The following EML4 variants were observed in gnomAD, a reference collection of about 807,000 sequenced individuals.
EML4 encodes EMAP like 4.
EML4 carries 72 observed loss-of-function variants against 129.0 expected under a neutral mutation model. That is an observed-to-expected ratio of 0.56 (90% confidence interval 0.46 to 0.68). The LOEUF is 0.68. Ranked by LOEUF, EML4 falls within the 30% of genes least tolerant of loss-of-function variation. The pLI is 0.00. For synonymous variants in EML4, 532 were observed against 405.0 expected (o/e 1.31, Z -3.77); for missense variants, 1,363 against 1,190.6 (o/e 1.14, Z -2.13).
At chr2:42,236,922 G>C (rs1039001632) in intron 1 of EML4, among the ~76,000 whole-genome samples, 5 of 152,154 alleles carry the variant, frequency 3.3e-5, no homozygotes, top group Non-Finnish European at 1.5e-5. Context: ...AGGTGCTTGA[G>C]TCTCATTTTA....
At chr2:42,284,002 T>C (rs942067241) in intron 8 of EML4, among the ~76,000 whole-genome samples, 2 of 152,204 alleles carry the variant, frequency 1.3e-5, no homozygotes, top group Admixed American at 6.5e-5. Flanking sequence ...TTTTCAGAAA[T>C]TTGCTAGTCA....
At chr2:42,278,891 G>A (rs1013628251) in intron 6 of EML4, among the ~76,000 whole-genome samples, 4 of 151,854 alleles carry the variant, frequency 2.6e-5, no homozygotes, top group Non-Finnish European at 5.9e-5. Flanking sequence ...AGCCAAGATG[G>A]CACCATTGCA....
chr2:42,242,695 CTCTTT>C (rs1349114327), intron 1 of EML4, among the ~76,000 whole-genome samples: 4 of 150,858 alleles, frequency 2.7e-5, no homozygotes, highest in Non-Finnish European at 4.4e-5. Context: ...TCCCTTTTTT[CTCTTT>C]TCTTTTCTTT....
intron 1 of EML4, among the ~76,000 whole-genome samples, chr2:42,211,403 G>C (rs1672878103): frequency 6.6e-6 from 1 of 152,156 alleles, no homozygotes. Context: ...GGGGGGCGAG[G>C]TCATTTCTGA....
At chr2:42,174,672 G>A (rs1375872106) in intron 1 of EML4, among the ~76,000 whole-genome samples, 5 of 152,034 alleles carry the variant, frequency 3.3e-5, no homozygotes, top group African/African-American at 1.2e-4. Flanking sequence ...AATTTTGCAT[G>A]CTGTATATGA....
chr2:42,279,204 G>T (rs770717060), intron 6 of EML4, among the ~76,000 whole-genome samples: 14 of 152,126 alleles, frequency 9.2e-5, no homozygotes, highest in Non-Finnish European at 1.6e-4. Context: ...ATTCAGTTGA[G>T]TTTAGGTTGT....
At position 42,313,452 on chromosome 2, in the gene EML4, A is replaced by T. The variant is rs1488621437; in HGVS notation, c.1968-2510A>T. 3.3e-5 allele frequency among the ~76,000 whole-genome samples: 5 copies of T among 152,284 alleles called. No individual in the cohort carries two copies. In the East Asian group the frequency reaches 9.6e-4, roughly 29 times the overall value. On this transcript the variant is annotated intron_variant, in intron 17 of 22. Coordinates refer to ENST00000318522, the MANE Select transcript of EML4 (RefSeq NM_019063.5). ...GAGTTTGACTCTTTGTAGACAAGGTAAAAAATTGGTATCTTTGAGTCTTCA... is the reference window on the plus strand; with the variant it reads ...GAGTTTGACTCTTTGTAGACAAGGTTAAAAATTGGTATCTTTGAGTCTTCA...
chr2:42,273,895 C>T (rs1666510974), intron 6 of EML4, among the ~76,000 whole-genome samples: 1 of 152,066 alleles, frequency 6.6e-6, no homozygotes, highest in Non-Finnish European at 1.5e-5. Context: ...TTACAGATTC[C>T]ATTGTTTCAT....
At chr2:42,171,693 T>TA (rs1390738210) in intron 1 of EML4, among the ~76,000 whole-genome samples, 1 of 152,206 alleles carries the variant, frequency 6.6e-6, no homozygotes, top group Non-Finnish European at 1.5e-5. Flanking sequence ...GCAGAGGAGA[T>TA]ATGCCTATCA....
intron 1 of EML4, among the ~76,000 whole-genome samples, chr2:42,202,891 G>A (rs1431898212): frequency 6.6e-6 from 1 of 152,086 alleles, no homozygotes; most frequent in Non-Finnish European, 1.5e-5. Context: ...AGCCTGGTGG[G>A]GTGGTGTATG....
At chr2:42,217,071 A>G (rs1054676544) in intron 1 of EML4, among the ~76,000 whole-genome samples, 1 of 152,238 alleles carries the variant, frequency 6.6e-6, no homozygotes, top group African/African-American at 2.4e-5. Context: ...TTTAACCAAT[A>G]TTCTGACAGT....
At chr2:42,183,077 C>G (rs1333087394) in intron 1 of EML4, among the ~76,000 whole-genome samples, 1 of 152,084 alleles carries the variant, frequency 6.6e-6, no homozygotes, top group Non-Finnish European at 1.5e-5. Flanking sequence ...ATTGCTTGAG[C>G]CTGGGAGGTG....
intron 6 of EML4, among the ~76,000 whole-genome samples, chr2:42,271,715 A>T (rs565574967): frequency 1.2e-4 from 17 of 137,244 alleles, no homozygotes; most frequent in Admixed American, 7.6e-4. Context: ...CATACTTTTT[A>T]AAAAAATCTA....
chr2:42,207,783 A>G (rs561293475), intron 1 of EML4: 1 of 152,326 alleles, frequency 6.6e-6, no homozygotes, highest in East Asian at 1.9e-4. Flanking sequence ...ATAATATAAA[A>G]TGCAAATTTA....
chr2:42,318,994 G>A (rs1033792516), intron 19 of EML4, among the ~76,000 whole-genome samples: 1 of 152,026 alleles, frequency 6.6e-6, no homozygotes, highest in South Asian at 2.1e-4. Context: ...ATGAGCCACT[G>A]CACCTGTCCG....
chr2:42,326,481 G>T (rs1439039733), intron 21 of EML4, among the ~76,000 whole-genome samples: 4 of 152,186 alleles, frequency 2.6e-5, no homozygotes, highest in African/African-American at 7.2e-5. Flanking sequence ...AATTTACATA[G>T]TAGTACAGAT....
chr2:42,305,545 C>G (rs1308479121), intron 17 of EML4, among the ~76,000 whole-genome samples: 1 of 152,112 alleles, frequency 6.6e-6, no homozygotes, highest in African/African-American at 2.4e-5. Context: ...AAATGCTACG[C>G]AGATATATAA....
intron 3 of EML4, among the ~76,000 whole-genome samples, chr2:42,260,686 G>A (rs2104380535): frequency 6.6e-6 from 1 of 152,274 alleles, no homozygotes; most frequent in Admixed American, 6.5e-5. Context: ...CAATTGAGTG[G>A]AGTAGAAGTA....
rs146023373 is a variant in EML4 at position 42,213,189 on chromosome 2, T to C, written c.26-32316T>C. 2.6e-5 allele frequency among the ~76,000 whole-genome samples: 4 copies of C among 152,330 alleles called. No homozygotes were observed. In the East Asian group the frequency reaches 7.7e-4, roughly 29 times the overall value. ...CAGAAAAAGTACACTCATGATAACA[T>C]AAAACACAGATCACAAAACATTACC... is the stretch of plus-strand genomic sequence containing the variant. On this transcript the variant is annotated intron_variant, in intron 1 of 22. Transcript: ENST00000318522.
Sources: gnomAD v4.1 joint callset for allele counts (sites outside exome capture counted in the v4.1 genomes callset) on GRCh38, gnomAD v4.1.1 for gene constraint, MANE v1.5 for transcripts, NCBI Gene and HGNC (gene_info 2026-07-23, HGNC 2026-07-21) for gene names.